Variants in ZNF644 observed in about 807,000 individuals in gnomAD.
ZNF644 encodes zinc finger motif enhancer binding protein 2.
In ZNF644, 20 loss-of-function variants were observed where a neutral mutation model predicts 108.0. That is an observed-to-expected ratio of 0.19 (90% CI 0.13 to 0.27). The LOEUF is 0.27. Among genes scored for constraint, ZNF644 ranks in the 10% least tolerant of loss-of-function variants. ZNF644 has a pLI of 1.00. For missense variants in ZNF644, 1,338 were observed against 1,548.9 expected (o/e 0.86, Z 2.29); for synonymous variants, 542 against 539.1 (o/e 1.01, Z -0.08).
intron 1 of ZNF644, among the ~76,000 whole-genome samples, chr1:91,020,158 A>AC (rs979496280): frequency 6.6e-6 from 1 of 152,222 alleles, no homozygotes; most frequent in African/African-American, 2.4e-5. Flanking sequence ...ATCCAGGAAT[A>AC]CATTTGCTAA....
At chr1:90,946,992 C>A (rs573645466) in intron 2 of ZNF644, among the ~76,000 whole-genome samples, 2 of 152,196 alleles carry the variant, frequency 1.3e-5, no homozygotes, top group South Asian at 4.1e-4. Context: ...AAAGAAGCTC[C>A]CATGTGGTAA....
At chr1:90,983,982 CG>C (rs1351070006) in intron 1 of ZNF644, among the ~76,000 whole-genome samples, 1 of 152,060 alleles carries the variant, frequency 6.6e-6, no homozygotes, top group Non-Finnish European at 1.5e-5. Context: ...ATGCTGCTTT[CG>C]TAGACTGGAA....
rs183378765 is a variant in ZNF644, at chr1:90,969,284, T to G, written c.44+13026A>C. ...AGGACACACGGAGAAGACAGCCATCTGCAAGCCAAGGAGAGAGGCCTCAGG... is the reference window on the plus strand; with the variant it reads ...AGGACACACGGAGAAGACAGCCATCGGCAAGCCAAGGAGAGAGGCCTCAGG... On this transcript the variant is annotated intron_variant, in intron 2 of 5. Transcript: ENST00000337393. Among the ~76,000 whole-genome samples the G allele has an allele frequency of 6.4e-3, 973 of 152,282 alleles. 8 individuals carry two copies. Among genetic ancestry groups the G allele is most frequent in the Non-Finnish European group, 1.0e-2 (680 of 68,024 alleles).
At chr1:90,968,184 T>C (rs1419113857) in intron 2 of ZNF644, among the ~76,000 whole-genome samples, 1 of 152,032 alleles carries the variant, frequency 6.6e-6, no homozygotes, top group Non-Finnish European at 1.5e-5. Flanking sequence ...GTGATATACC[T>C]AATTCACATG....
chr1:90,934,427 G>T (rs1422916788), intron 4 of ZNF644, among the ~76,000 whole-genome samples: 1 of 152,106 alleles, frequency 6.6e-6, no homozygotes, highest in East Asian at 1.9e-4. Context: ...AAAATGATTG[G>T]AAAGAATTTT....
At chr1:90,965,771 T>C (rs1458298669) in intron 2 of ZNF644, among the ~76,000 whole-genome samples, 2 of 152,098 alleles carry the variant, frequency 1.3e-5, no homozygotes, top group Non-Finnish European at 2.9e-5. Flanking sequence ...TTTTTTGAGA[T>C]GGAGTTTCGC....
At chr1:90,922,662 GT>G (rs1156347038) in intron 4 of ZNF644, among the ~76,000 whole-genome samples, 2 of 151,976 alleles carry the variant, frequency 1.3e-5, no homozygotes, top group African/African-American at 4.8e-5. Flanking sequence ...ACGGGAGTTG[GT>G]GTACAGACTA....
At chr1:90,984,159 G>A (rs1656853718) in intron 1 of ZNF644, among the ~76,000 whole-genome samples, 1 of 152,110 alleles carries the variant, frequency 6.6e-6, no homozygotes, top group Admixed American at 6.5e-5. Flanking sequence ...AACTGTGAGA[G>A]AATTAATTTC....
chr1:90,970,114 C>T (rs1472082131), intron 2 of ZNF644, among the ~76,000 whole-genome samples: 1 of 152,136 alleles, frequency 6.6e-6, no homozygotes, highest in African/African-American at 2.4e-5. Context: ...ATTTGGTGGT[C>T]CTGCCTATTC....
chr1:91,005,740 C>A (rs1442741008), intron 1 of ZNF644, among the ~76,000 whole-genome samples: 1 of 151,756 alleles, frequency 6.6e-6, no homozygotes, highest in Non-Finnish European at 1.5e-5. Flanking sequence ...AACAAAAACA[C>A]AACATACTAA....
At chr1:90,998,672 G>A (rs145461018) in intron 1 of ZNF644, among the ~76,000 whole-genome samples, 2,112 of 152,328 alleles carry the variant, frequency 0.014, 28 homozygotes, top group African/African-American at 0.042. Flanking sequence ...GCAGCTCCTC[G>A]CCAGCAACAG....
At chr1:90,964,744 T>C (rs1416591198) in intron 2 of ZNF644, among the ~76,000 whole-genome samples, 2 of 152,178 alleles carry the variant, frequency 1.3e-5, no homozygotes, top group African/African-American at 4.8e-5. Context: ...TTTGACAAAT[T>C]TAAATAAGAC....
intron 2 of ZNF644, among the ~76,000 whole-genome samples, chr1:90,981,354 C>T (rs1045713562): frequency 6.6e-6 from 1 of 152,058 alleles, no homozygotes; most frequent in Non-Finnish European, 1.5e-5. Context: ...CTTCAAACTA[C>T]CACTACTGTT....
intron 1 of ZNF644, among the ~76,000 whole-genome samples, chr1:91,006,621 A>G (rs915644956): frequency 3.3e-5 from 5 of 152,072 alleles, no homozygotes; most frequent in African/African-American, 1.2e-4. Context: ...AATTAAACCA[A>G]AAAAGTCTTT....
At chr1:90,943,584 A>G (rs1361677406) in intron 2 of ZNF644, among the ~76,000 whole-genome samples, 2 of 152,176 alleles carry the variant, frequency 1.3e-5, no homozygotes, top group African/African-American at 4.8e-5. Flanking sequence ...TATCTTTGAC[A>G]TTGTTTTTTA....
At chr1:90,975,114 T>C (rs1367554029) in intron 2 of ZNF644, among the ~76,000 whole-genome samples, 1 of 152,184 alleles carries the variant, frequency 6.6e-6, no homozygotes, top group Non-Finnish European at 1.5e-5. Flanking sequence ...CATATTTCCA[T>C]CCAGTCATTA....
rs35761791 is a variant in ZNF644, at chr1:91,007,225, G to GTTTTTT, written c.-18+14759_-18+14764dup. ...AATTTCTTCCATTTTCTCCCATTTTGTTTTTTTTTTTTTTTTTTTTTTTTT... is the reference window on the plus strand; with the variant it reads ...AATTTCTTCCATTTTCTCCCATTTTGTTTTTTTTTTTTTTTTTTTTTTTTTTTTTTT... On this transcript the variant is annotated intron_variant, in intron 1 of 5. Coordinates refer to ENST00000337393, the MANE Select transcript of ZNF644 (RefSeq NM_201269.3). Among the ~76,000 whole-genome samples the GTTTTTT allele has an allele frequency of 7.3e-4, 41 of 56,000 alleles. 2 individuals are homozygous for GTTTTTT. The highest frequency in any genetic ancestry group is 1.4e-3 in the African/African-American group (19 of 13,136). The allele number at this position is 56,000 out of a possible 152,430, so 36.7% of individuals were successfully genotyped here. A position where few individuals can be genotyped will look rare whatever the true frequency, so the allele number is the denominator to read the frequency against.
Position 90,940,335 on chromosome 1 carries a change from T to C in ZNF644, c.1019A>G (p.Tyr340Cys), listed in dbSNP as rs372305887. The change falls in exon 3 of 6, where the codon TAT (tyrosine) becomes TGT (cysteine). Residue 340 changes from tyrosine (Y) to cysteine (C), a missense_variant. Physicochemically the swap from Tyr to Cys is radical, Grantham distance 194 (BLOSUM62 -2). Coordinates refer to ENST00000337393, the MANE Select transcript of ZNF644 (RefSeq NM_201269.3). ...TTCAGGCTTCACTTTTGATAATGCA[T>C]ATTTCTGTGAGTCTACTGCTTGTAG... is the stretch of plus-strand genomic sequence containing the variant. ...EELQAVDSQK[Y>C]ALSKVKPEST... The C allele has an allele frequency of 6.2e-7, 1 of 1,613,862 alleles. No homozygotes were observed.
chr1:91,018,156 T>G (rs1178910687), intron 1 of ZNF644, among the ~76,000 whole-genome samples: 1 of 152,238 alleles, frequency 6.6e-6, no homozygotes, highest in Non-Finnish European at 1.5e-5. Context: ...GTGATCTTCA[T>G]GTTTGTTTCT....
Sources: gnomAD v4.1 joint callset for allele counts (sites outside exome capture counted in the v4.1 genomes callset) on GRCh38, gnomAD v4.1.1 for gene constraint, MANE v1.5 for transcripts, NCBI Gene and HGNC (gene_info 2026-07-23, HGNC 2026-07-21) for gene names.